Variants in CAMK2A observed in about 807,000 individuals in gnomAD.
The protein encoded by CAMK2A is calcium/calmodulin dependent protein kinase II alpha, also known as calcium/calmodulin-dependent protein kinase type II subunit alpha.
Under a neutral mutation model 79.2 loss-of-function variants are expected in CAMK2A, and 7 were observed. The observed-to-expected ratio is 0.09, with a 90% CI of 0.05 to 0.17. CAMK2A has a LOEUF of 0.17. Ranked by LOEUF, CAMK2A falls within the 10% of genes least tolerant of loss-of-function variation. The pLI is 1.00. For synonymous variants in CAMK2A, 242 were observed against 251.7 expected, an observed-to-expected ratio of 0.96 and a Z score of 0.36; for missense variants, 214 against 646.4, an observed-to-expected ratio of 0.33 and a Z score of 7.25.
intron 13 of CAMK2A, among the ~76,000 whole-genome samples, 186 bp from the exon 14 acceptor site, chr5:150,239,922 C>T (rs956525088): frequency 3.3e-5 from 5 of 152,124 alleles, no homozygotes; most frequent in African/African-American, 1.2e-4. Context: ...GTTGACCTGG[C>T]GGGGCCAGTC....
At chr5:150,228,081 C>T (rs1047209344) in intron 17 of CAMK2A, 111 bp downstream of exon 17, 11 of 836,408 alleles carry the variant, frequency 1.3e-5, no homozygotes, top group South Asian at 3.4e-5. Flanking sequence ...GCTTCCTCTT[C>T]GCTGGCTCCT....
In CAMK2A at chr5:150,245,233, C is replaced by A. The variant is rs754572637; in HGVS notation, c.944-32G>T. ...AGGAGAAAAAGTAGAGGGTTAACAACGCCAGGCAGGGCACCAGGGCCCACA... is the reference window on the plus strand; with the variant it reads ...AGGAGAAAAAGTAGAGGGTTAACAAAGCCAGGCAGGGCACCAGGGCCCACA... On this transcript the variant is annotated intron_variant, in intron 12 of 18. Transcript: ENST00000671881. 8 of 1,610,784 alleles carry A rather than the reference C, an allele frequency of 5.0e-6. No individual in the cohort carries two copies. In the Admixed American group the frequency reaches 1.0e-4, roughly 20 times the overall value.
At chr5:150,234,441 T>C (rs1754978348) in intron 15 of CAMK2A, among the ~76,000 whole-genome samples, 2 of 152,292 alleles carry the variant, frequency 1.3e-5, no homozygotes, top group Non-Finnish European at 1.5e-5. Context: ...CCTATATGTA[T>C]AATGAAGATA....
In CAMK2A at chr5:150,221,592, C is replaced by T. The variant is rs2114007844; in HGVS notation, c.*1118G>A. The T allele has an allele frequency of 7.5e-6, 3 of 398,656 alleles. No individual in the cohort carries two copies. In the East Asian group the frequency reaches 1.1e-4, roughly 14 times the overall value. 24.7% of individuals were successfully genotyped at this position (398,656 alleles called of 1,614,324 possible). A position where few individuals can be genotyped will look rare whatever the true frequency, so the allele number is the denominator to read the frequency against. On this transcript the variant is annotated 3_prime_UTR_variant, in exon 19 of 19. Coordinates refer to ENST00000671881, the MANE Select transcript of CAMK2A (RefSeq NM_015981.4). ...CTCCTCTCTGCCCTGACTTGCTGTT[C>T]CTGAGTCAGTGCTGGCATCTGATGC...
intron 1 of CAMK2A, among the ~76,000 whole-genome samples, chr5:150,287,673 G>A (rs1280495714): frequency 6.6e-6 from 1 of 152,090 alleles, no homozygotes; most frequent in Non-Finnish European, 1.5e-5. Flanking sequence ...ACCCAGTCTT[G>A]GTCACTCCCT....
chr5:150,283,180 T>A (rs958451146), intron 1 of CAMK2A, among the ~76,000 whole-genome samples: 3 of 152,160 alleles, frequency 2.0e-5, no homozygotes, highest in Non-Finnish European at 4.4e-5. Flanking sequence ...TTTTTAATAG[T>A]CCTGCTAGGA....
At chr5:150,270,978 C>A (rs913234543) in intron 2 of CAMK2A, among the ~76,000 whole-genome samples, 7 of 152,156 alleles carry the variant, frequency 4.6e-5, no homozygotes, top group Non-Finnish European at 7.3e-5. Flanking sequence ...TGAACTAACC[C>A]GAGATCCCCA....
At chr5:150,275,023 A>C (rs548651196) in intron 1 of CAMK2A, among the ~76,000 whole-genome samples, 2 of 152,242 alleles carry the variant, frequency 1.3e-5, no homozygotes, top group African/African-American at 4.8e-5. Context: ...AGCCCTGAAC[A>C]TGGTATCACT....
At chr5:150,240,194 T>C (rs1755277034) in intron 13 of CAMK2A, among the ~76,000 whole-genome samples, 1 of 152,198 alleles carries the variant, frequency 6.6e-6, no homozygotes, top group African/African-American at 2.4e-5. Flanking sequence ...AGGACCTCAT[T>C]CCCAATTGAC....
intron 13 of CAMK2A, among the ~76,000 whole-genome samples, chr5:150,244,438 G>T (rs1466224114): frequency 6.6e-6 from 1 of 152,270 alleles, no homozygotes; most frequent in Admixed American, 6.5e-5. Flanking sequence ...CCCAGAAAAA[G>T]GCAGGGTCTC....
chr5:150,239,081 G>T (rs989430026), intron 14 of CAMK2A, among the ~76,000 whole-genome samples: 2 of 152,200 alleles, frequency 1.3e-5, no homozygotes, highest in Non-Finnish European at 2.9e-5. Context: ...GCCGCAGAGT[G>T]GGGAGGAACA....
At chr5:150,230,472 C>A (rs1754794665) in intron 16 of CAMK2A, among the ~76,000 whole-genome samples, 1 of 152,346 alleles carries the variant, frequency 6.6e-6, no homozygotes, top group African/African-American at 2.4e-5. Flanking sequence ...CTCAATTTAA[C>A]CCAACAGGCA....
rs375423552 is a variant in CAMK2A at position 150,233,904 on chromosome 5, G to A, written c.1067-2524C>T. ...CACAGCTCACTGCAACCTCCCCCTC[G>A]TGGGTTCAAGCGATTCTCCTGCCTC... is the stretch of plus-strand genomic sequence containing the variant. On this transcript the variant is annotated intron_variant, in intron 15 of 18. Coordinates refer to ENST00000671881, the MANE Select transcript of CAMK2A (RefSeq NM_015981.4). 3.2e-4 allele frequency among the ~76,000 whole-genome samples: 49 copies of A among 152,166 alleles called. 3 individuals are homozygous for A. In the South Asian group the frequency reaches 3.5e-3, roughly 11 times the overall value.
intron 1 of CAMK2A, among the ~76,000 whole-genome samples, chr5:150,283,896 C>G (rs749219064): frequency 9.9e-5 from 15 of 152,270 alleles, no homozygotes; most frequent in Non-Finnish European, 1.6e-4. Flanking sequence ...CCTAAGACAC[C>G]AAGGCCCTCA....
chr5:150,224,394 T>G (rs2114013774), intron 17 of CAMK2A, among the ~76,000 whole-genome samples: 1 of 152,166 alleles, frequency 6.6e-6, no homozygotes, highest in African/African-American at 2.4e-5. Flanking sequence ...TCTCTAATAT[T>G]AAAAATCTCC....
At chr5:150,270,610 A>G (rs1055917557) in intron 2 of CAMK2A, among the ~76,000 whole-genome samples, 2 of 141,274 alleles carry the variant, frequency 1.4e-5, no homozygotes, top group African/African-American at 5.1e-5. Context: ...CCCCCGAGGC[A>G]CCATGAGCGG....
In CAMK2A at chr5:150,221,509, C is replaced by T; in HGVS notation, c.*1201G>A. On this transcript the variant is annotated 3_prime_UTR_variant, in exon 19 of 19. Transcript: ENST00000671881. The stretch of plus-strand genomic sequence containing the variant: ...CCTGGGAAGTTCGGTAGAGAAGACC[C>T]CAGTTTGCGAGGGAAGCAAAGAAAA... 2 of 398,656 alleles carry T rather than the reference C, an allele frequency of 5.0e-6. No individual in the cohort carries two copies. Among genetic ancestry groups the T allele is most frequent in the Non-Finnish European group, 8.8e-6 (2 of 226,060 alleles). 24.7% of individuals were successfully genotyped at this position (398,656 alleles called of 1,614,324 possible). A position where few individuals can be genotyped will look rare whatever the true frequency, so the allele number is the denominator to read the frequency against.
chr5:150,274,345 G>A (rs1371848239), intron 1 of CAMK2A, among the ~76,000 whole-genome samples: 4 of 152,150 alleles, frequency 2.6e-5, no homozygotes, highest in Non-Finnish European at 4.4e-5. Context: ...GATTTTTCAG[G>A]AAAAGCTACA....
intron 11 of CAMK2A, among the ~76,000 whole-genome samples, chr5:150,248,565 C>T (rs551783622): frequency 2.0e-4 from 29 of 147,946 alleles, no homozygotes; most frequent in African/African-American, 7.2e-4. Flanking sequence ...AATTCCCATC[C>T]ATGAGTGAGA....
Sources: gnomAD v4.1 joint callset for allele counts (sites outside exome capture counted in the v4.1 genomes callset) on GRCh38, gnomAD v4.1.1 for gene constraint, MANE v1.5 for transcripts, NCBI Gene and HGNC (gene_info 2026-07-23, HGNC 2026-07-21) for gene names.